The following SLC35F3 variants were observed in gnomAD, a reference collection of about 807,000 sequenced individuals.
The protein encoded by SLC35F3 is putative thiamine transporter SLC35F3.
Under a neutral mutation model 49.9 loss-of-function variants are expected in SLC35F3, and 25 were observed. The observed-to-expected ratio is 0.50, with a 90% CI of 0.37 to 0.70. SLC35F3 has a LOEUF of 0.70. SLC35F3 is among the 30% of genes least tolerant of loss of function. The probability of loss-of-function intolerance (pLI) is 0.00; values close to 1 mark genes in which losing one functional copy is unlikely to be tolerated. For synonymous variants in SLC35F3, 275 were observed against 265.4 expected, an observed-to-expected ratio of 1.04 and a Z score of -0.35; for missense variants, 525 against 639.8, an observed-to-expected ratio of 0.82 and a Z score of 1.94.
rs781436747 is a variant in SLC35F3, at chr1:234,231,503, T to C, written c.370T>C (p.Cys124Arg). Residue 124 changes from cysteine (C) to arginine (R), a missense_variant, in exon 3 of 8, where the codon TGC becomes CGC. By Grantham distance (180) the Cys-to-Arg change is radical. Transcript: ENST00000366618. This position sits in a 1 kb window ranked among gnomAD's most constrained non-coding sequence, Gnocchi z 5.4. ...VEAGGRASRR[C>R]WTCSRAQLKK... ...GGCCGGCGGGAGAGCGAGTCGCCGC[T>C]GCTGGACGTGCTCCCGGGCGCAACT... 3.7e-6 allele frequency: 6 copies of C among 1,613,502 alleles called. No homozygotes were observed. The South Asian group carries it at 6.6e-5, about 18-fold the overall frequency.
At chr1:234,147,237 T>A (rs968811168) in intron 2 of SLC35F3, among the ~76,000 whole-genome samples, 14 of 151,226 alleles carry the variant, frequency 9.3e-5, no homozygotes, top group African/African-American at 2.4e-4. Context: ...TTTCTTTTTT[T>A]TTTTTTTTTG....
intron 2 of SLC35F3, among the ~76,000 whole-genome samples, chr1:233,999,313 C>A (rs1282786027): frequency 1.3e-5 from 2 of 152,140 alleles, no homozygotes; most frequent in Non-Finnish European, 2.9e-5. Context: ...CTCTTTTAAT[C>A]CTTCTAGGCC....
At position 234,056,190 on chromosome 1, in the gene SLC35F3, G is replaced by C. The variant is rs569088277; in HGVS notation, c.283+150432G>C. ...TCATTTATTCTTCAATCACTTTATT[G>C]GTTCATTTTTATTTTCTAAGATGTC... On this transcript the variant is annotated intron_variant, in intron 2 of 7. Transcript: ENST00000366618. Among the ~76,000 whole-genome samples the C allele has an allele frequency of 7.9e-5, 12 of 151,090 alleles. No homozygotes were observed. In the East Asian group the frequency reaches 2.3e-3, roughly 29 times the overall value.
At chr1:234,287,120 G>A (rs1320151274) in intron 3 of SLC35F3, among the ~76,000 whole-genome samples, 2 of 152,160 alleles carry the variant, frequency 1.3e-5, no homozygotes, top group East Asian at 1.9e-4. Flanking sequence ...GATCACGTGA[G>A]CCTGGGAGTT....
intron 2 of SLC35F3, among the ~76,000 whole-genome samples, chr1:233,917,380 G>C (rs537754732): frequency 2.8e-4 from 43 of 152,276 alleles, no homozygotes; most frequent in African/African-American, 1.0e-3. Context: ...GGAAACTTGA[G>C]CTCTGCTGCT....
At chr1:234,031,481 G>C (rs537929812) in intron 2 of SLC35F3, among the ~76,000 whole-genome samples, 1 of 152,098 alleles carries the variant, frequency 6.6e-6, no homozygotes, top group Non-Finnish European at 1.5e-5. Context: ...GCCTTGTATT[G>C]CTCCAGCATT....
intron 2 of SLC35F3, among the ~76,000 whole-genome samples, chr1:233,912,185 G>A (rs972508244): frequency 6.6e-6 from 1 of 152,098 alleles, no homozygotes; most frequent in African/African-American, 2.4e-5. Context: ...TCACTGCTAT[G>A]AGCCTCTAGT....
At position 234,098,224 on chromosome 1, in the gene SLC35F3, G is replaced by A. The variant is rs555302701; in HGVS notation, c.284-133193G>A. Among the ~76,000 whole-genome samples the A allele has an allele frequency of 3.3e-3, 487 of 149,258 alleles. 2 individuals carry two copies. Among genetic ancestry groups the A allele is most frequent in the Middle Eastern group, 7.2e-3 (2 of 278 alleles). The stretch of plus-strand genomic sequence containing the variant: ...CAGTTCAGATGGTGGTGGTAGTGAC[G>A]GTGTCATAGGGTGATGATGGAGGTG... On this transcript the variant is annotated intron_variant, in intron 2 of 7. Transcript: ENST00000366618.
chr1:233,925,255 T>C (rs942636087), intron 2 of SLC35F3, among the ~76,000 whole-genome samples: 3 of 152,168 alleles, frequency 2.0e-5, no homozygotes, highest in African/African-American at 7.2e-5. Context: ...CCATTATTAT[T>C]GTGTGGGAGT....
intron 2 of SLC35F3, among the ~76,000 whole-genome samples, chr1:234,064,887 G>A (rs776621838): frequency 7.1e-4 from 108 of 152,224 alleles, no homozygotes; most frequent in Non-Finnish European, 9.3e-4. Context: ...GATATTGAAA[G>A]CCGGCCAGAA....
intron 3 of SLC35F3, among the ~76,000 whole-genome samples, chr1:234,254,617 G>A (rs1469037008): frequency 6.6e-6 from 1 of 152,124 alleles, no homozygotes; most frequent in Non-Finnish European, 1.5e-5. Flanking sequence ...GTAATAAAAA[G>A]GCTTGCAAAC....
intron 2 of SLC35F3, among the ~76,000 whole-genome samples, chr1:233,906,531 A>G (rs1661779840): frequency 6.6e-6 from 1 of 152,214 alleles, no homozygotes; most frequent in Non-Finnish European, 1.5e-5. Context: ...CTATAAATAT[A>G]ACCATAATTA....
At chr1:234,088,168 T>A (rs1257302447) in intron 2 of SLC35F3, among the ~76,000 whole-genome samples, 1 of 152,146 alleles carries the variant, frequency 6.6e-6, no homozygotes, top group Non-Finnish European at 1.5e-5. Context: ...TTGTTGTTGT[T>A]GTTGTTTTGA....
At chr1:233,926,513 T>C (rs747283968) in intron 2 of SLC35F3, among the ~76,000 whole-genome samples, 2 of 152,182 alleles carry the variant, frequency 1.3e-5, no homozygotes, top group Non-Finnish European at 2.9e-5. Flanking sequence ...CTATGCTGTT[T>C]ATTCTAGTTA....
At chr1:234,153,957 G>T (rs1204616800) in intron 2 of SLC35F3, among the ~76,000 whole-genome samples, 1 of 152,148 alleles carries the variant, frequency 6.6e-6, no homozygotes, top group Non-Finnish European at 1.5e-5. Context: ...CAGGTACTCG[G>T]GAGGCTGAGG....
At chr1:233,973,165 C>G (rs1663022525) in intron 2 of SLC35F3, among the ~76,000 whole-genome samples, 1 of 152,222 alleles carries the variant, frequency 6.6e-6, no homozygotes, top group Admixed American at 6.5e-5. Context: ...GCTCCCATGT[C>G]CCCTGTAGAG....
chr1:234,248,990 GA>G (rs1558273377), intron 3 of SLC35F3, among the ~76,000 whole-genome samples: 1 of 152,198 alleles, frequency 6.6e-6, no homozygotes, highest in Non-Finnish European at 1.5e-5. Context: ...AATCCAGAGG[GA>G]GTAGATTTTG....
chr1:234,074,713 G>A (rs1017893867), intron 2 of SLC35F3, among the ~76,000 whole-genome samples: 1 of 152,358 alleles, frequency 6.6e-6, no homozygotes, highest in African/African-American at 2.4e-5. Flanking sequence ...TTTGCAGAAA[G>A]CAATCAAAGT....
In SLC35F3 at chr1:234,117,932, G is replaced by GTATATATATATATATATATATA. The variant is rs1373405963; in HGVS notation, c.284-113484_284-113483insATATATATATATATATATATAT. Among the ~76,000 whole-genome samples, 5 of 51,800 alleles carry GTATATATATATATATATATATA rather than the reference G, an allele frequency of 9.7e-5. No homozygotes were observed. The Admixed American group carries it at 1.2e-3, about 12-fold the overall frequency. The allele number at this position is 51,800 out of a possible 152,430, so 34.0% of individuals were successfully genotyped here. On this transcript the variant is annotated intron_variant, in intron 2 of 7. Transcript: ENST00000366618. Reference sequence around the variant, plus strand: ...TATATATGTGTGTGTGTGTGTGTGTGTGTGTGTGTGTGTGTGTGTGTGTGT... The same window carrying GTATATATATATATATATATATA: ...TATATATGTGTGTGTGTGTGTGTGTGTATATATATATATATATATATATGTGTGTGTGTGTGTGTGTGTGTGT...
Sources: gnomAD v4.1 joint callset for allele counts (sites outside exome capture counted in the v4.1 genomes callset) on GRCh38, gnomAD v4.1.1 for gene constraint, Gnocchi (gnomAD v3.1) non-coding constraint, MANE v1.5 for transcripts, NCBI Gene and HGNC (gene_info 2026-07-23, HGNC 2026-07-21) for gene names.